The following BRF1 variants were observed in gnomAD, a reference collection of about 807,000 sequenced individuals.
The protein encoded by BRF1 is transcription factor IIIB 90 kDa subunit.
In BRF1, 59 loss-of-function variants were observed where a neutral mutation model predicts 81.7. The observed-to-expected ratio is 0.72, with a 90% CI of 0.59 to 0.90. BRF1 has a LOEUF of 0.90. BRF1 is among the 40% of genes least tolerant of loss of function. BRF1 has a pLI of 0.00. For missense variants in BRF1, 1,050 were observed against 936.3 expected (o/e 1.12, Z -1.58); for synonymous variants, 491 against 395.6 (o/e 1.24, Z -2.86).
At position 105,228,852 on chromosome 14, in the gene BRF1, C is replaced by A; in HGVS notation, c.756G>T (p.Val252=). ...FRRTVKEVIS[V]VKVCESTLRK... ...GCAGCGTGGACTCACACACTTTGAC[C>A]ACACTGATGACCTCCTTCACAGTCC... The change falls in exon 7 of 18, where the codon GTG becomes GTT. Residue 252 remains valine, a synonymous_variant. Transcript: ENST00000547530. 1.9e-6 allele frequency: 3 copies of A among 1,613,918 alleles called. No individual in the cohort carries two copies. The highest frequency in any genetic ancestry group is 2.5e-6 in the Non-Finnish European group (3 of 1,180,010).
At chr14:105,247,586 C>A in intron 5 of BRF1, 1 of 985,442 alleles carries the variant, frequency 1.0e-6, no homozygotes, top group Non-Finnish European at 1.2e-6. Context: ...CTGTAACGAC[C>A]ACAGAGACAC....
At chr14:105,217,876 CCAGG>C in intron 14 of BRF1, 76 bp from the exon 15 acceptor site, 1 of 1,569,074 alleles carries the variant, frequency 6.4e-7, no homozygotes, top group Non-Finnish European at 8.6e-7. Context: ...CCACGTGAGG[CCAGG>C]AGTGCAGGCG....
intron 2 of BRF1, among the ~76,000 whole-genome samples, chr14:105,283,015 T>A (rs1221177294): frequency 6.6e-6 from 1 of 152,172 alleles, no homozygotes; most frequent in African/African-American, 2.4e-5. Context: ...ATCAGAAATG[T>A]GCCAGTTATA....
chr14:105,248,668 G>T, intron 5 of BRF1: 1 of 981,474 alleles, frequency 1.0e-6, no homozygotes, highest in African/African-American at 1.8e-5. Context: ...GGGGTGGCAG[G>T]GGAGCGGGTG....
At chr14:105,290,419 C>G (rs1409550722) in intron 1 of BRF1, among the ~76,000 whole-genome samples, 2 of 152,082 alleles carry the variant, frequency 1.3e-5, no homozygotes, top group Non-Finnish European at 2.9e-5. Flanking sequence ...AACTCCATCT[C>G]AAAAACAAAT....
chr14:105,247,631 G>C, intron 5 of BRF1: 1 of 985,386 alleles, frequency 1.0e-6, no homozygotes, highest in Non-Finnish European at 1.2e-6. Flanking sequence ...CAGGACTGCG[G>C]TGACAGGTGC....
chr14:105,268,804 G>A (rs587744071), intron 3 of BRF1, among the ~76,000 whole-genome samples: 1 of 152,336 alleles, frequency 6.6e-6, no homozygotes, highest in South Asian at 2.1e-4. Context: ...GGTGGGTGCT[G>A]TTGCGCCCTG....
intron 5 of BRF1, chr14:105,242,452 A>G (rs1357797104): frequency 6.6e-6 from 1 of 152,162 alleles, no homozygotes; most frequent in African/African-American, 2.4e-5. Context: ...AAATATGCTC[A>G]TAGGCTGGGC....
At chr14:105,217,941 C>T in intron 14 of BRF1, 141 bp from the exon 15 acceptor site, 3 of 1,358,932 alleles carry the variant, frequency 2.2e-6, no homozygotes, top group Non-Finnish European at 3.0e-6. Flanking sequence ...CTCCTCCCCC[C>T]AGAATGTGGG....
chr14:105,304,356 T>C (rs149060227), upstream of BRF1, among the ~76,000 whole-genome samples: 987 of 151,942 alleles, frequency 6.5e-3, 5 homozygotes, highest in Middle Eastern at 0.017. Context: ...GGTGTGATGG[T>C]GGGCGCCTGT....
intron 6 of BRF1, 31 bp from the exon 7 acceptor site, chr14:105,228,944 C>G (rs1267518785): frequency 1.2e-6 from 2 of 1,606,440 alleles, no homozygotes; most frequent in East Asian, 2.2e-5. Flanking sequence ...CCTCGTCAAC[C>G]ACGGCTGGGA....
At chr14:105,299,621 G>A (rs1443950533) in intron 1 of BRF1, among the ~76,000 whole-genome samples, 3 of 152,108 alleles carry the variant, frequency 2.0e-5, no homozygotes, top group African/African-American at 7.2e-5. Flanking sequence ...CAACAAAGAG[G>A]ATTCGGGCAT....
At chr14:105,282,445 A>G (rs1234542782) in intron 2 of BRF1, among the ~76,000 whole-genome samples, 5 of 152,178 alleles carry the variant, frequency 3.3e-5, no homozygotes, top group Admixed American at 3.3e-4. Flanking sequence ...AGCTACATTC[A>G]CAGATTTCCA....
At position 105,286,291 on chromosome 14, in the gene BRF1, A is replaced by T; in HGVS notation, c.265+5T>A. On this transcript the variant is annotated splice_donor_5th_base_variant and intron_variant, in intron 2 of 17. Transcript: ENST00000547530. ...ACGCTCAGCAGCATCCGCGGTGGGA[A>T]ATACCATTCTGCAGGGTCTGCGCTC... The T allele has an allele frequency of 1.2e-6, 2 of 1,612,350 alleles. No homozygotes were observed. Among genetic ancestry groups the T allele is most frequent in the Non-Finnish European group, 1.7e-6 (2 of 1,179,388 alleles).
intron 6 of BRF1, among the ~76,000 whole-genome samples, chr14:105,229,695 C>G (rs2054426474): frequency 7.1e-6 from 1 of 141,044 alleles, no homozygotes; most frequent in Non-Finnish European, 1.6e-5. Context: ...AACCTAGCAT[C>G]TCAGGAGAGA....
chr14:105,215,596 A>G (rs1204439773), intron 15 of BRF1, among the ~76,000 whole-genome samples: 2 of 151,392 alleles, frequency 1.3e-5, no homozygotes, highest in African/African-American at 2.4e-5. Flanking sequence ...ACAGGCGCAC[A>G]CACACTGCAT....
Position 105,228,849 on chromosome 14 carries a change from G to C in BRF1, c.759C>G (p.Val253=). 6.2e-7 allele frequency: 1 copy of C among 1,613,906 alleles called. No individual in the cohort carries two copies. ...RRTVKEVISV[V]KVCESTLRKR... The stretch of plus-strand genomic sequence containing the variant: ...TCCGCAGCGTGGACTCACACACTTT[G>C]ACCACACTGATGACCTCCTTCACAG... Residue 253 remains valine (V), a synonymous_variant, in exon 7 of 18, where the codon GTC becomes GTG. Coordinates refer to ENST00000547530, the MANE Select transcript of BRF1 (RefSeq NM_001519.4).
Position 105,296,614 on chromosome 14 carries a change from G to C in BRF1, c.184+3832C>G, listed in dbSNP as rs926180187. Among the ~76,000 whole-genome samples, 24 of 150,634 alleles carry C rather than the reference G, an allele frequency of 1.6e-4. 1 individual carries two copies. The highest frequency in any genetic ancestry group is 1.5e-3 in the Admixed American group (23 of 15,134). ...GAGAATCTCTTGAACCTGGGAGGCGGAGATTGCAGTGAGCCAAGATGGTGC... is the reference window on the plus strand; with the variant it reads ...GAGAATCTCTTGAACCTGGGAGGCGCAGATTGCAGTGAGCCAAGATGGTGC... On this transcript the variant is annotated intron_variant, in intron 1 of 17. Coordinates refer to ENST00000547530, the MANE Select transcript of BRF1 (RefSeq NM_001519.4).
chr14:105,248,049 T>C (rs1371920067), intron 5 of BRF1: 7 of 985,346 alleles, frequency 7.1e-6, no homozygotes, highest in Non-Finnish European at 8.4e-6. Flanking sequence ...ACCCGCCGGC[T>C]GTGTGACCTT....
Sources: gnomAD v4.1 joint callset for allele counts (sites outside exome capture counted in the v4.1 genomes callset) on GRCh38, gnomAD v4.1.1 for gene constraint, MANE v1.5 for transcripts, NCBI Gene and HGNC (gene_info 2026-07-23, HGNC 2026-07-21) for gene names.